The following SF3B2 variants were observed in gnomAD, a reference collection of about 807,000 sequenced individuals.
SF3B2 encodes the protein splicing factor 3b subunit 2, also known as SAP 145.
SF3B2 carries 22 observed loss-of-function variants against 116.3 expected under a neutral mutation model. The ratio of observed to expected loss-of-function variants is 0.19; its 90% CI spans 0.14 to 0.27. The LOEUF (loss-of-function observed/expected upper bound fraction) is 0.27. Among genes scored for constraint, SF3B2 ranks in the 10% least tolerant of loss-of-function variants. The pLI, the probability that SF3B2 is intolerant of heterozygous loss-of-function variation, is 1.00. For synonymous variants in SF3B2, 406 were observed against 421.6 expected, an observed-to-expected ratio of 0.96 and a Z score of 0.45; for missense variants, 767 against 1,151.4, an observed-to-expected ratio of 0.67 and a Z score of 4.83.
In SF3B2 at chr11:66,059,291, G is replaced by C; in HGVS notation, c.1273G>C (p.Glu425Gln). The C allele has an allele frequency of 6.2e-7, 1 of 1,614,040 alleles. No individual in the cohort carries two copies. The highest frequency in any genetic ancestry group is 8.5e-7 in the Non-Finnish European group (1 of 1,179,998). ...NSAAPKKKGF[E>Q]EEHKDSDDDS... Reference sequence around the variant, plus strand: ...TGCAGCCCCCAAGAAGAAGGGATTTGAAGAGGAGCACAAGGACAGTGATGA... The same window carrying C: ...TGCAGCCCCCAAGAAGAAGGGATTTCAAGAGGAGCACAAGGACAGTGATGA... Residue 425 changes from glutamate to glutamine, a missense_variant, in exon 11 of 22, where the codon GAA becomes CAA. By Grantham distance (29) the Glu-to-Gln change is conservative. Transcript: ENST00000322535. This position sits in a 1 kb window ranked among gnomAD's most constrained non-coding sequence, Gnocchi z 5.0.
chr11:66,060,467 C>A, intron 13 of SF3B2, 115 bp from the exon 14 acceptor site: 1 of 1,271,068 alleles, frequency 7.9e-7, no homozygotes, highest in Non-Finnish European at 1.1e-6. Flanking sequence ...ATTTTGATGA[C>A]TTTCAGGGTG....
chr11:66,057,638 T>G (rs1857024935), intron 7 of SF3B2, among the ~76,000 whole-genome samples: 1 of 152,052 alleles, frequency 6.6e-6, no homozygotes, highest in Admixed American at 6.5e-5. Flanking sequence ...TTACATCACC[T>G]GGGCAGCAGC....
In SF3B2 at chr11:66,062,218, C is replaced by T. The variant is rs559616748; in HGVS notation, c.1977+220C>T. ...ACATGCTCATCATAAAATATTCAGT[C>T]AGAATTGACAAGTACAAAGATGAAA... On this transcript the variant is annotated intron_variant, in intron 16 of 21. Coordinates refer to ENST00000322535, the MANE Select transcript of SF3B2 (RefSeq NM_006842.3). 1.1e-3 allele frequency among the ~76,000 whole-genome samples: 173 copies of T among 152,200 alleles called. 1 individual carries two copies. Among genetic ancestry groups the T allele is most frequent in the Non-Finnish European group, 1.2e-3 (81 of 68,022 alleles).
Position 66,059,904 on chromosome 11 carries a change from C to T in SF3B2, c.1524C>T (p.Arg508=). Reference sequence around the variant, plus strand: ...TGCCACGCCACTGGTGTTTTAAGCGCAAATACCTGCAGGGCAAACGGGGCA... The same window carrying T: ...TGCCACGCCACTGGTGTTTTAAGCGTAAATACCTGCAGGGCAAACGGGGCA... The part of the protein sequence containing the change: ...VPVPRHWCFK[R]KYLQGKRGIE... Residue 508 remains arginine (R), a synonymous_variant, in exon 13 of 22, where the codon CGC becomes CGT. Coordinates refer to ENST00000322535, the MANE Select transcript of SF3B2 (RefSeq NM_006842.3). This position sits in a 1 kb window ranked among gnomAD's most constrained non-coding sequence, Gnocchi z 5.0. 5 of 1,614,208 alleles carry T rather than the reference C, an allele frequency of 3.1e-6. No homozygotes were observed. The highest frequency in any genetic ancestry group is 4.2e-6 in the Non-Finnish European group (5 of 1,180,038).
At chr11:66,067,703 CTG>C (rs1257812277) in intron 19 of SF3B2, 1 of 525,292 alleles carries the variant, frequency 1.9e-6, no homozygotes, top group African/African-American at 1.9e-5. Context: ...GAGTCCTGGT[CTG>C]TGATCCCTTG....
At chr11:66,060,917 A>C (rs1857091308) in intron 14 of SF3B2, among the ~76,000 whole-genome samples, 186 bp downstream of exon 14, 1 of 152,070 alleles carries the variant, frequency 6.6e-6, no homozygotes, top group African/African-American at 2.4e-5. Context: ...CTCCCATCTC[A>C]GCCTCCTGAG....
In SF3B2 at chr11:66,057,321, C is replaced by A. The variant is rs779881778; in HGVS notation, c.723C>A (p.Ala241=). 8 of 1,608,964 alleles carry A rather than the reference C, an allele frequency of 5.0e-6. No individual in the cohort carries two copies. The East Asian group carries it at 1.6e-4, about 31-fold the overall frequency. The part of the protein sequence containing the change: ...GPTPTVLPMG[A]PVPRPRGPPP... ...CTCCTACAGTTTTGCCCATGGGAGC[C>A]CCTGTTCCCCGGCCTCGTGGTCCCC... The change falls in exon 7 of 22, where the codon GCC becomes GCA. Residue 241 remains alanine, a synonymous_variant. Coordinates refer to ENST00000322535, the MANE Select transcript of SF3B2 (RefSeq NM_006842.3).
intron 19 of SF3B2, chr11:66,067,300 AT>A (rs1372265703): frequency 4.8e-6 from 2 of 412,796 alleles, no homozygotes; most frequent in Non-Finnish European, 9.7e-6. Context: ...TTTGGATTTT[AT>A]TCAGATAATG....
intron 1 of SF3B2, 28 bp downstream of exon 1, chr11:66,052,545 T>A: frequency 6.2e-7 from 1 of 1,603,686 alleles, no homozygotes; most frequent in Non-Finnish European, 8.5e-7. Flanking sequence ...TCGAGGGGCC[T>A]TTACGGGCCT....
intron 2 of SF3B2, 53 bp from the exon 3 acceptor site, chr11:66,052,974 G>C (rs372476811): frequency 8.5e-5 from 132 of 1,558,370 alleles, no homozygotes; most frequent in African/African-American, 3.0e-4. Flanking sequence ...AGCGAACGTC[G>C]TTTAGTGAAA....
Position 66,059,457 on chromosome 11 carries a change from T to G in SF3B2, c.1321-58T>G, listed in dbSNP as rs1009767173. 6.2e-7 allele frequency: 1 copy of G among 1,609,348 alleles called. No individual in the cohort carries two copies. Among genetic ancestry groups the G allele is most frequent in the Admixed American group, 1.7e-5 (1 of 59,964 alleles). Reference sequence around the variant, plus strand: ...TTTGGTGGCTTAAGGTTGGGGTGGGTTGGGCAGTTTCATTCACATCTGAGT... The same window carrying G: ...TTTGGTGGCTTAAGGTTGGGGTGGGGTGGGCAGTTTCATTCACATCTGAGT... On this transcript the variant is annotated intron_variant, in intron 11 of 21. Transcript: ENST00000322535. The surrounding 1 kb of genome is among the most constrained non-coding windows in gnomAD (Gnocchi z 5.0).
rs1255345228 is a variant in SF3B2, at chr11:66,059,462, C to T, written c.1321-53C>T. On this transcript the variant is annotated intron_variant, in intron 11 of 21. Transcript: ENST00000322535. This position sits in a 1 kb window ranked among gnomAD's most constrained non-coding sequence, Gnocchi z 5.0. The stretch of plus-strand genomic sequence containing the variant: ...TGGCTTAAGGTTGGGGTGGGTTGGG[C>T]AGTTTCATTCACATCTGAGTCCTGC... 6.2e-6 allele frequency: 10 copies of T among 1,608,080 alleles called. No individual in the cohort carries two copies. The highest frequency in any genetic ancestry group is 7.7e-6 in the Non-Finnish European group (9 of 1,174,636).
chr11:66,052,636 C>T (rs369964484), intron 1 of SF3B2, 37 bp from the exon 2 acceptor site: 1 of 1,594,324 alleles, frequency 6.3e-7, no homozygotes, highest in Non-Finnish European at 8.5e-7. Context: ...CCTGGCCGGG[C>T]TGGCCTGCCC....
At chr11:66,053,141 C>A in intron 3 of SF3B2, 37 bp downstream of exon 3, 1 of 1,579,588 alleles carries the variant, frequency 6.3e-7, no homozygotes, top group Non-Finnish European at 8.7e-7. Context: ...ATTCCATCTG[C>A]TGATCCTTTT....
intron 16 of SF3B2, 76 bp downstream of exon 16, chr11:66,062,074 C>T: frequency 1.0e-6 from 1 of 975,632 alleles, no homozygotes; most frequent in Non-Finnish European, 1.6e-6. Context: ...TTTTCCTTCT[C>T]TAACTCCACC....
At chr11:66,060,080 G>C in intron 13 of SF3B2, 71 bp downstream of exon 13, 5 of 1,428,034 alleles carry the variant, frequency 3.5e-6, no homozygotes, top group Non-Finnish European at 4.8e-6. Flanking sequence ...CTTCAAAATG[G>C]GAATCTGGTT....
chr11:66,060,624 C>A lies in SF3B2; in HGVS notation c.1672C>A (p.Arg558=), dbSNP rs746030830. 6.2e-7 allele frequency: 1 copy of A among 1,614,114 alleles called. No homozygotes were observed. Among genetic ancestry groups the A allele is most frequent in the Non-Finnish European group, 8.5e-7 (1 of 1,180,030 alleles). The change falls in exon 14 of 22, where the codon CGG becomes AGG. Residue 558 remains arginine (R), a synonymous_variant. Coordinates refer to ENST00000322535, the MANE Select transcript of SF3B2 (RefSeq NM_006842.3). ...GAAGTCAAAAATGCGAGAGAAAGTT[C>A]GGCCTAAGATGGGCAAAATTGACAT... The part of the protein sequence containing the change: ...TMKSKMREKV[R]PKMGKIDIDY...
chr11:66,054,477 CAAAA>C (rs5792379), intron 3 of SF3B2, among the ~76,000 whole-genome samples: 1 of 140,038 alleles, frequency 7.1e-6, no homozygotes, highest in African/African-American at 2.7e-5. Context: ...ACTCTTGTCT[CAAAA>C]AAAAAAAAAA....
Position 66,063,686 on chromosome 11 carries a change from C to A in SF3B2, c.2287C>A (p.Leu763Ile). ...SVPAGMETPE[L>I]IELRKKKIEE... ...GCCTGCTGGAATGGAGACCCCTGAA[C>A]TCATTGAGCTGAGGAAGAAGAAGAT... Residue 763 changes from leucine to isoleucine, a missense_variant, in exon 19 of 22, where the codon CTC becomes ATC. Physicochemically the swap from Leu to Ile is conservative, Grantham distance 5. Around this residue, in one of 4 missense-constraint regions of SF3B2, gnomAD observed 282 missense variants for 568.0 expected, o/e 0.50. Coordinates refer to ENST00000322535, the MANE Select transcript of SF3B2 (RefSeq NM_006842.3). 2.5e-6 allele frequency: 4 copies of A among 1,613,676 alleles called. No homozygotes were observed. Among genetic ancestry groups the A allele is most frequent in the Non-Finnish European group, 3.4e-6 (4 of 1,179,850 alleles).
Sources: allele counts gnomAD v4.1 joint callset (sites outside exome capture counted in the v4.1 genomes callset), GRCh38; gene constraint gnomAD v4.1.1; regional missense constraint gnomAD v4.1.1; non-coding constraint Gnocchi (gnomAD v3.1); transcripts MANE v1.5; gene names NCBI Gene and HGNC (gene_info 2026-07-23, HGNC 2026-07-21).